TASP1: variants seen among roughly 807,000 people sequenced by gnomAD.
The protein encoded by TASP1 is threonine aspartase 1.
A neutral mutation model predicts 56.6 loss-of-function variants in TASP1; 16 were observed. The observed-to-expected ratio is 0.28, with a 90% CI of 0.19 to 0.43. The LOEUF (loss-of-function observed/expected upper bound fraction) is 0.43, where lower values mean the gene tolerates loss of function less well. Among genes scored for constraint, TASP1 ranks in the 20% least tolerant of loss-of-function variants. The pLI is 1.00. For synonymous variants in TASP1, 179 were observed against 184.2 expected, an observed-to-expected ratio of 0.97 and a Z score of 0.23; for missense variants, 393 against 511.6, an observed-to-expected ratio of 0.77 and a Z score of 2.24.
At chr20:13,208,985 T>C in the TASP1 span, among the ~76,000 whole-genome samples, 3 of 152,158 alleles carry the variant, frequency 2.0e-5, no homozygotes, top group Non-Finnish European at 2.9e-5. Flanking sequence ...ACCTCACCAA[T>C]GATGTTGGGT....
chr20:13,557,572 G>GTTTTTTTTT (rs972801507), intron 8 of TASP1, among the ~76,000 whole-genome samples: 1 of 99,738 alleles, frequency 1.0e-5, no homozygotes, highest in Non-Finnish European at 2.0e-5. Flanking sequence ...GATGTTTTTG[G>GTTTTTTTTT]TTTTTTTTTT....
chr20:13,288,596 G>A, the TASP1 span: 10 of 1,613,938 alleles, frequency 6.2e-6, no homozygotes, highest in East Asian at 2.2e-5. Context: ...CGTCACCTGC[G>A]GGAACGGCAA....
the TASP1 span, among the ~76,000 whole-genome samples, chr20:13,232,489 A>G: frequency 2.0e-5 from 3 of 152,198 alleles, no homozygotes; most frequent in Admixed American, 2.0e-4. Flanking sequence ...CCTTTTTATT[A>G]CCAATTAATA....
rs2044393579 is a variant in TASP1 at position 13,513,002 on chromosome 20, T to C, written c.874+15431A>G. On this transcript the variant is annotated intron_variant, in intron 10 of 13. Coordinates refer to ENST00000337743, the MANE Select transcript of TASP1 (RefSeq NM_017714.3). ...CAGTACCATGCTGTTTTGGTTACTG[T>C]AGCCTTGTAGTATAGTTTGAAGTCA... Among the ~76,000 whole-genome samples, 5 of 152,324 alleles carry C rather than the reference T, an allele frequency of 3.3e-5. No individual in the cohort carries two copies. The South Asian group carries it at 1.0e-3, about 32-fold the overall frequency.
At chr20:13,440,412 C>T (rs575159849) in intron 11 of TASP1, among the ~76,000 whole-genome samples, 1 of 152,074 alleles carries the variant, frequency 6.6e-6, no homozygotes, top group Non-Finnish European at 1.5e-5. Flanking sequence ...GCTGAGAGAG[C>T]AAACTGTCCA....
At chr20:13,439,985 C>T (rs1179888290) in intron 11 of TASP1, among the ~76,000 whole-genome samples, 1 of 152,084 alleles carries the variant, frequency 6.6e-6, no homozygotes, top group Non-Finnish European at 1.5e-5. Context: ...GAAGATTTAA[C>T]ACTATGAAAT....
intron 8 of TASP1, among the ~76,000 whole-genome samples, chr20:13,535,036 G>T (rs146932638): frequency 2.2e-4 from 34 of 152,210 alleles, no homozygotes; most frequent in African/African-American, 7.7e-4. Flanking sequence ...TTCAAACCTT[G>T]CCCTACAACC....
chr20:13,606,479 C>A (rs902445393), intron 4 of TASP1, among the ~76,000 whole-genome samples: 2 of 152,074 alleles, frequency 1.3e-5, no homozygotes, highest in African/African-American at 4.8e-5. Flanking sequence ...TTGTCTACCC[C>A]TCCAAATAGA....
At chr20:13,123,741 C>A in the TASP1 span, among the ~76,000 whole-genome samples, 3 of 152,134 alleles carry the variant, frequency 2.0e-5, no homozygotes, top group African/African-American at 7.2e-5. Flanking sequence ...CTTTTTGCTC[C>A]TCTGCATCTA....
the TASP1 span, among the ~76,000 whole-genome samples, chr20:13,257,973 T>A: frequency 6.6e-6 from 1 of 152,096 alleles, no homozygotes; most frequent in Non-Finnish European, 1.5e-5. Context: ...CTACTTACTA[T>A]CTAGGGGCCT....
chr20:13,603,785 T>C (rs2048047463), intron 4 of TASP1, among the ~76,000 whole-genome samples: 1 of 152,208 alleles, frequency 6.6e-6, no homozygotes, highest in Non-Finnish European at 1.5e-5. Context: ...TCAAACTCTA[T>C]TCAAATTTCC....
At chr20:13,104,898 T>C in the TASP1 span, among the ~76,000 whole-genome samples, 1 of 151,604 alleles carries the variant, frequency 6.6e-6, no homozygotes, top group Non-Finnish European at 1.5e-5. Flanking sequence ...TCTGGCATTG[T>C]TTTTTTCATC....
At chr20:13,360,684 A>C in the TASP1 span, among the ~76,000 whole-genome samples, 4 of 152,314 alleles carry the variant, frequency 2.6e-5, no homozygotes, top group East Asian at 5.8e-4. Context: ...CATAACTTCC[A>C]AAATCTATTT....
chr20:13,305,329 C>T, the TASP1 span, among the ~76,000 whole-genome samples: 1 of 152,008 alleles, frequency 6.6e-6, no homozygotes, highest in Admixed American at 6.6e-5. Flanking sequence ...TTGCTGACTA[C>T]AGACCCGTAC....
chr20:13,185,793 AAAAT>A, the TASP1 span, among the ~76,000 whole-genome samples: 1 of 152,072 alleles, frequency 6.6e-6, no homozygotes, highest in Non-Finnish European at 1.5e-5. Context: ...TTTTTATAGA[AAAAT>A]AAAGTCTCAA....
chr20:13,528,059 T>C (rs2045054996), intron 10 of TASP1, among the ~76,000 whole-genome samples: 1 of 151,358 alleles, frequency 6.6e-6, no homozygotes, highest in Admixed American at 6.6e-5. Flanking sequence ...CTGTCTCTAC[T>C]AAAAATACAA....
intron 12 of TASP1, among the ~76,000 whole-genome samples, chr20:13,422,183 G>C (rs2042465519): frequency 1.3e-5 from 2 of 151,762 alleles, no homozygotes; most frequent in Admixed American, 1.3e-4. Flanking sequence ...TCGTTCTCCT[G>C]ACCTTGTTAT....
At chr20:13,221,282 C>T in the TASP1 span, among the ~76,000 whole-genome samples, 300 of 146,936 alleles carry the variant, frequency 2.0e-3, 2 homozygotes, top group Middle Eastern at 0.014. Flanking sequence ...TCCTCCTCCT[C>T]CTCCCCGCGC....
chr20:13,247,843 G>T, the TASP1 span, among the ~76,000 whole-genome samples: 2 of 152,142 alleles, frequency 1.3e-5, no homozygotes, highest in Non-Finnish European at 2.9e-5. Flanking sequence ...TAGGATCTTG[G>T]TTTCTCTTTT....
Sources: allele counts gnomAD v4.1 joint callset (sites outside exome capture counted in the v4.1 genomes callset), GRCh38; gene constraint gnomAD v4.1.1; transcripts MANE v1.5; gene names NCBI Gene and HGNC (gene_info 2026-07-23, HGNC 2026-07-21).